GALM: variants seen among roughly 807,000 people sequenced by gnomAD.
GALM encodes the protein aldose 1-epimerase.
A neutral mutation model predicts 37.4 loss-of-function variants in GALM; 43 were observed. That is an observed-to-expected ratio of 1.15 (90% CI 0.90 to 1.48). The LOEUF (loss-of-function observed/expected upper bound fraction) is 1.48, where lower values mean the gene tolerates loss of function less well. GALM is among the 40% of genes most tolerant of loss of function. The probability of loss-of-function intolerance (pLI) is 0.00; values close to 1 mark genes in which losing one functional copy is unlikely to be tolerated. For synonymous variants in GALM, 199 were observed against 170.6 expected, an observed-to-expected ratio of 1.17 and a Z score of -1.30; for missense variants, 456 against 419.1, an observed-to-expected ratio of 1.09 and a Z score of -0.77.
At chr2:38,676,574 C>A (rs1471571433) in intron 2 of GALM, among the ~76,000 whole-genome samples, 1 of 152,086 alleles carries the variant, frequency 6.6e-6, no homozygotes, top group Non-Finnish European at 1.5e-5. Context: ...ACCAGCCTGG[C>A]CAACATGGTA....
intron 4 of GALM, among the ~76,000 whole-genome samples, chr2:38,720,601 C>G (rs1227328501): frequency 1.3e-5 from 2 of 152,138 alleles, no homozygotes; most frequent in Non-Finnish European, 2.9e-5. Context: ...CGTTTATTAT[C>G]TCTAATTGTT....
At chr2:38,679,494 T>A (rs1436506018) in intron 2 of GALM, among the ~76,000 whole-genome samples, 1 of 152,246 alleles carries the variant, frequency 6.6e-6, no homozygotes, top group Non-Finnish European at 1.5e-5. Flanking sequence ...TCAACTGTTT[T>A]GACCTACAAT....
At chr2:38,675,543 T>TTTTGTGTGTGTG (rs1665235197) in intron 1 of GALM, among the ~76,000 whole-genome samples, 1 of 33,638 alleles carries the variant, frequency 3.0e-5, no homozygotes, top group Non-Finnish European at 5.8e-5. Context: ...TTTTTTTTTT[T>TTTTGTGTGTGTG]TGTGTGTGTG....
At position 38,666,134 on chromosome 2, in the gene GALM, C is replaced by G. The variant is rs751086659; in HGVS notation, c.-28C>G. On this transcript the variant is annotated 5_prime_UTR_variant, in exon 1 of 7. Coordinates refer to ENST00000272252, the MANE Select transcript of GALM (RefSeq NM_138801.3). Reference sequence around the variant, plus strand: ...CGAGCGCTGGAGTTTGAAGAGCGGGCAGTGGCTGCACACGCCAAACTTTCC... The same window carrying G: ...CGAGCGCTGGAGTTTGAAGAGCGGGGAGTGGCTGCACACGCCAAACTTTCC... 4.8e-5 allele frequency: 77 copies of G among 1,588,320 alleles called. 1 individual carries two copies. The highest frequency in any genetic ancestry group is 6.4e-5 in the Non-Finnish European group (75 of 1,165,180).
chr2:38,717,024 G>T (rs1666281693), intron 4 of GALM, among the ~76,000 whole-genome samples: 1 of 152,156 alleles, frequency 6.6e-6, no homozygotes, highest in African/African-American at 2.4e-5. Context: ...GCCGAGGCAG[G>T]CGGATCACCT....
chr2:38,702,956 T>C (rs1665948605), intron 4 of GALM, among the ~76,000 whole-genome samples: 1 of 138,814 alleles, frequency 7.2e-6, no homozygotes, highest in African/African-American at 2.7e-5. Context: ...ATATAATATG[T>C]GTAATTTTTT....
intron 6 of GALM, among the ~76,000 whole-genome samples, chr2:38,733,252 C>G (rs898822063): frequency 6.6e-6 from 1 of 151,228 alleles, no homozygotes; most frequent in Non-Finnish European, 1.5e-5. Context: ...ACACCTTACA[C>G]CAGATTATAG....
At chr2:38,714,261 C>T (rs1473834787) in intron 4 of GALM, among the ~76,000 whole-genome samples, 3 of 152,020 alleles carry the variant, frequency 2.0e-5, no homozygotes, top group East Asian at 1.9e-4. Context: ...GTTGCCCAGG[C>T]GGGAGTGCAG....
At chr2:38,702,827 T>C (rs1665945371) in intron 4 of GALM, among the ~76,000 whole-genome samples, 1 of 150,174 alleles carries the variant, frequency 6.7e-6, no homozygotes, top group African/African-American at 2.4e-5. Flanking sequence ...AGGAATTAAC[T>C]ATTGCTTATT....
intron 3 of GALM, among the ~76,000 whole-genome samples, chr2:38,689,169 T>C (rs1452290708): frequency 1.3e-5 from 2 of 152,210 alleles, no homozygotes; most frequent in Non-Finnish European, 2.9e-5. Flanking sequence ...TGAGGTTAAA[T>C]GAATTCCCTG....
At chr2:38,721,695 T>C (rs533730705) in intron 4 of GALM, among the ~76,000 whole-genome samples, 4 of 152,174 alleles carry the variant, frequency 2.6e-5, no homozygotes, top group African/African-American at 9.6e-5. Flanking sequence ...TTTTAATTTT[T>C]TGTAGAGACG....
intron 4 of GALM, among the ~76,000 whole-genome samples, chr2:38,724,615 C>G (rs1169487138): frequency 6.6e-6 from 1 of 152,094 alleles, no homozygotes; most frequent in Admixed American, 6.6e-5. Flanking sequence ...TAGATTGGAG[C>G]CTTCACTGTT....
Position 38,675,932 on chromosome 2 carries a change from T to C in GALM, c.211T>C (p.Tyr71His), listed in dbSNP as rs1222631445. 6.2e-7 allele frequency: 1 copy of C among 1,613,902 alleles called. No homozygotes were observed. Among genetic ancestry groups the C allele is most frequent in the Non-Finnish European group, 8.5e-7 (1 of 1,180,010 alleles). The change falls in exon 2 of 7, where the codon TAC becomes CAC. Residue 71 changes from tyrosine (Y) to histidine (H), a missense_variant. Physicochemically the swap from Tyr to His is moderately conservative, Grantham distance 83. Coordinates refer to ENST00000272252, the MANE Select transcript of GALM (RefSeq NM_138801.3). ...ELEGYLQKQP[Y>H]FGAVIGRVAN... ...TGCAGGATACCTCCAAAAGCAGCCA[T>C]ACTTTGGAGCAGTTATTGGGAGGGT...
chr2:38,719,396 G>C (rs1179516106), intron 4 of GALM, among the ~76,000 whole-genome samples: 1 of 150,820 alleles, frequency 6.6e-6, no homozygotes, highest in Non-Finnish European at 1.5e-5. Context: ...TTGAACCTGG[G>C]AGGTGGAGGT....
At position 38,666,362 on chromosome 2, in the gene GALM, C is replaced by T; in HGVS notation, c.190+11C>T. 6.2e-7 allele frequency: 1 copy of T among 1,603,980 alleles called. No homozygotes were observed. Among genetic ancestry groups the T allele is most frequent in the Non-Finnish European group, 8.5e-7 (1 of 1,173,668 alleles). On this transcript the variant is annotated intron_variant, in intron 1 of 6. Transcript: ENST00000272252. ...TCGCCGAGTTGGAAGGTGGGTTGAACTGTGCCCTGGGCTGCGAGCAGGCCC... is the reference window on the plus strand; with the variant it reads ...TCGCCGAGTTGGAAGGTGGGTTGAATTGTGCCCTGGGCTGCGAGCAGGCCC...
intron 4 of GALM, chr2:38,698,302 T>C: frequency 1.3e-6 from 1 of 776,098 alleles, no homozygotes; most frequent in Non-Finnish European, 1.9e-6. Context: ...CACTTAGGAG[T>C]CAGCAGTGGT....
chr2:38,683,079 T>C lies in GALM; in HGVS notation c.552+1593T>C, dbSNP rs1293673609. On this transcript the variant is annotated intron_variant, in intron 3 of 6. Coordinates refer to ENST00000272252, the MANE Select transcript of GALM (RefSeq NM_138801.3). ...TCTGTTTTTTACATTTTTTGCATAC[T>C]TAGGACATCCTATTTAATAATAGGG... Among the ~76,000 whole-genome samples the C allele has an allele frequency of 3.3e-5, 5 of 152,228 alleles. No homozygotes were observed. The East Asian group carries it at 5.8e-4, about 18-fold the overall frequency.
chr2:38,723,521 A>G (rs1343071128), intron 4 of GALM, among the ~76,000 whole-genome samples: 2 of 152,116 alleles, frequency 1.3e-5, no homozygotes, highest in African/African-American at 4.8e-5. Context: ...AGGTGCAGCA[A>G]CTCACGCCTG....
rs115413295 is a variant in GALM at position 38,675,965 on chromosome 2, C to G, written c.244C>G (p.Arg82Gly). Residue 82 changes from arginine (R) to glycine (G), a missense_variant, in exon 2 of 7, where the codon CGA (arginine) becomes GGA (glycine). Physicochemically the swap from Arg to Gly is moderately radical, Grantham distance 125. Transcript: ENST00000272252. ...AGCAGTTATTGGGAGGGTGGCCAAC[C>G]GAATCGCCAAAGGAACCTTCAAGGT... is the stretch of plus-strand genomic sequence containing the variant. ...FGAVIGRVAN[R>G]IAKGTFKVDG... The G allele has an allele frequency of 2.0e-4, 319 of 1,613,852 alleles. No individual in the cohort carries two copies. The highest frequency in any genetic ancestry group is 1.5e-4 in the Non-Finnish European group (175 of 1,179,980).
Sources: gnomAD v4.1 joint callset for allele counts (sites outside exome capture counted in the v4.1 genomes callset) on GRCh38, gnomAD v4.1.1 for gene constraint, MANE v1.5 for transcripts, NCBI Gene and HGNC (gene_info 2026-07-23, HGNC 2026-07-21) for gene names.